The following KMT2E variants were observed in gnomAD, a reference collection of about 807,000 sequenced individuals.
KMT2E encodes histone reader KMT2E.
Under a neutral mutation model 184.6 loss-of-function variants are expected in KMT2E, and 30 were observed. The ratio of observed to expected loss-of-function variants is 0.16; its 90% CI spans 0.12 to 0.22. The LOEUF is 0.22. Among genes scored for constraint, KMT2E ranks in the 10% least tolerant of loss-of-function variants. KMT2E has a pLI of 1.00. For missense variants in KMT2E, 2,023 were observed against 2,237.4 expected, an observed-to-expected ratio of 0.90 and a Z score of 1.93; for synonymous variants, 815 against 776.5, an observed-to-expected ratio of 1.05 and a Z score of -0.82.
chr7:105,021,919 A>G (rs1449945743), intron 1 of KMT2E, among the ~76,000 whole-genome samples: 1 of 152,072 alleles, frequency 6.6e-6, no homozygotes, highest in African/African-American at 2.4e-5. Flanking sequence ...ATTTACTGAA[A>G]ATTTACTTGA....
rs765229399 is a variant in KMT2E at position 105,091,196 on chromosome 7, A to C, written c.1624-20A>C. 4 of 1,103,140 alleles carry C rather than the reference A, an allele frequency of 3.6e-6. No homozygotes were observed. Among genetic ancestry groups the C allele is most frequent in the Non-Finnish European group, 1.4e-6 (1 of 720,926 alleles). The allele number at this position is 1,103,140 out of a possible 1,614,324, so 68.3% of individuals were successfully genotyped here. On this transcript the variant is annotated intron_variant, in intron 14 of 26. Transcript: ENST00000311117. ...AGATGGAATAATAGTTTGTATAAAG[A>C]AGTCATTTCCATTTTTCAGGAACCA... is the stretch of plus-strand genomic sequence containing the variant.
chr7:105,063,000 CTTT>C (rs11336645), intron 4 of KMT2E, among the ~76,000 whole-genome samples: 1 of 140,326 alleles, frequency 7.1e-6, no homozygotes, highest in Admixed American at 7.1e-5. Flanking sequence ...TTTTCTTTTT[CTTT>C]TTTTTTTTTT....
chr7:105,032,084 A>G (rs1311238818), intron 1 of KMT2E, among the ~76,000 whole-genome samples: 1 of 150,982 alleles, frequency 6.6e-6, no homozygotes, highest in East Asian at 1.9e-4. Flanking sequence ...AAAAAAAAAA[A>G]AAAAAAAAAA....
Position 105,102,092 on chromosome 7 carries a change from TACA to T in KMT2E, c.2096_2098del (p.Thr699del). The T allele has an allele frequency of 6.2e-7, 1 of 1,613,652 alleles. No individual in the cohort carries two copies. Among genetic ancestry groups the T allele is most frequent in the African/African-American group, 1.3e-5 (1 of 75,022 alleles). On this transcript the variant is annotated inframe_deletion, in exon 17 of 27. Coordinates refer to ENST00000311117, the MANE Select transcript of KMT2E (RefSeq NM_182931.3). Reference sequence around the variant, plus strand: ...AAAATGATATTGAAAATACTGTACTTACAATAGAACCAGAAACTGAAACTGCAC... The same window carrying T: ...AAAATGATATTGAAAATACTGTACTTATAGAACCAGAAACTGAAACTGCAC...
At chr7:105,091,017 T>G (rs1432596660) in intron 14 of KMT2E, among the ~76,000 whole-genome samples, 199 bp from the exon 15 acceptor site, 5 of 152,180 alleles carry the variant, frequency 3.3e-5, no homozygotes, top group Non-Finnish European at 7.4e-5. Flanking sequence ...TGGCTAAAAT[T>G]TAAAAAGCGA....
chr7:105,042,347 C>T (rs1180474823), intron 3 of KMT2E, among the ~76,000 whole-genome samples: 2 of 147,324 alleles, frequency 1.4e-5, no homozygotes, highest in Non-Finnish European at 3.0e-5. Context: ...CGTACTTAAT[C>T]ATAAACAATT....
intron 11 of KMT2E, among the ~76,000 whole-genome samples, chr7:105,078,533 G>A (rs1404659416): frequency 1.3e-5 from 2 of 151,876 alleles, no homozygotes; most frequent in East Asian, 3.9e-4. Flanking sequence ...TTTTGAGACA[G>A]TCTCGCTCTA....
At chr7:105,083,533 C>G (rs142269605) in intron 13 of KMT2E, among the ~76,000 whole-genome samples, 4 of 152,164 alleles carry the variant, frequency 2.6e-5, no homozygotes, top group African/African-American at 9.7e-5. Context: ...GTTATACAAC[C>G]AAAAGACTGG....
chr7:105,062,794 G>A (rs947885072), intron 4 of KMT2E, among the ~76,000 whole-genome samples: 1 of 151,732 alleles, frequency 6.6e-6, no homozygotes, highest in Non-Finnish European at 1.5e-5. Flanking sequence ...TGCATATCTA[G>A]TAAGAGGCAG....
chr7:105,055,836 C>T (rs1796554137), intron 3 of KMT2E, among the ~76,000 whole-genome samples: 1 of 152,108 alleles, frequency 6.6e-6, no homozygotes, highest in South Asian at 2.1e-4. Flanking sequence ...GGCTCCTGTG[C>T]ATACCTCTGA....
At chr7:105,097,890 C>T (rs990765402) in intron 15 of KMT2E, among the ~76,000 whole-genome samples, 2 of 151,980 alleles carry the variant, frequency 1.3e-5, no homozygotes, top group Admixed American at 6.6e-5. Flanking sequence ...TTTGAGATAT[C>T]GGATGAGCAA....
rs1427490701 is a variant in KMT2E, at chr7:105,091,287, G to A, written c.1695G>A (p.Glu565=). ...ISNEVEMESE[E]QIAERKRKMT... is the part of the protein sequence containing the mutation. ...ATGAAGTAGAAATGGAATCAGAGGA[G>A]CAGATTGCAGAAAGGAAAAGGAAGA... Residue 565 remains glutamate, a synonymous_variant, in exon 15 of 27, where the codon GAG becomes GAA. Transcript: ENST00000311117. 2 of 1,604,688 alleles carry A rather than the reference G, an allele frequency of 1.2e-6. No homozygotes were observed. The highest frequency in any genetic ancestry group is 1.7e-6 in the Non-Finnish European group (2 of 1,171,560).
chr7:105,063,000 CTT>C (rs11336645), intron 4 of KMT2E, among the ~76,000 whole-genome samples: 45 of 140,296 alleles, frequency 3.2e-4, no homozygotes, highest in Middle Eastern at 3.7e-3. Flanking sequence ...TTTTCTTTTT[CTT>C]TTTTTTTTTT....
At position 105,107,402 on chromosome 7, in the gene KMT2E, T is replaced by C. The variant is rs1173369914; in HGVS notation, c.2945T>C (p.Phe982Ser). 1 of 1,605,678 alleles carries C rather than the reference T, an allele frequency of 6.2e-7. No homozygotes were observed. Among genetic ancestry groups the C allele is most frequent in the Non-Finnish European group, 8.5e-7 (1 of 1,176,942 alleles). Residue 982 changes from phenylalanine (F) to serine (S), a missense_variant, in exon 22 of 27, where the codon TTT becomes TCT. Coordinates refer to ENST00000311117, the MANE Select transcript of KMT2E (RefSeq NM_182931.3). ...RSSTMLTLGP[F>S]RNSNLTELGL... Reference sequence around the variant, plus strand: ...TCAACCATGTTAACATTGGGGCCTTTTAGAAATTCTAATTTAACTGAACTG... The same window carrying C: ...TCAACCATGTTAACATTGGGGCCTTCTAGAAATTCTAATTTAACTGAACTG...
chr7:105,045,313 C>A (rs1367338858), intron 3 of KMT2E, among the ~76,000 whole-genome samples: 1 of 152,184 alleles, frequency 6.6e-6, no homozygotes, highest in Non-Finnish European at 1.5e-5. Context: ...AAAATAGATA[C>A]AACATTTATC....
At chr7:105,092,897 TA>T (rs758447938) in intron 15 of KMT2E, among the ~76,000 whole-genome samples, 1 of 151,074 alleles carries the variant, frequency 6.6e-6, no homozygotes, top group Non-Finnish European at 1.5e-5. Context: ...AAAAATGAAA[TA>T]AAAAAAAATC....
chr7:105,097,498 G>T (rs1304403851), intron 15 of KMT2E, among the ~76,000 whole-genome samples: 1 of 152,062 alleles, frequency 6.6e-6, no homozygotes. Flanking sequence ...TGATTCTCCT[G>T]CCTCAGCCTC....
intron 3 of KMT2E, among the ~76,000 whole-genome samples, chr7:105,047,766 A>G (rs1170110307): frequency 6.6e-6 from 1 of 152,146 alleles, no homozygotes; most frequent in African/African-American, 2.4e-5. Context: ...TTCTCACTAA[A>G]CCAGTGCTGT....
chr7:105,109,531 A>C (rs937218843), intron 23 of KMT2E, among the ~76,000 whole-genome samples: 2 of 152,224 alleles, frequency 1.3e-5, no homozygotes, highest in Admixed American at 6.5e-5. Context: ...TTGAAAGAAC[A>C]ACCAGGGTTA....
Sources: gnomAD v4.1 joint callset for allele counts (sites outside exome capture counted in the v4.1 genomes callset) on GRCh38, gnomAD v4.1.1 for gene constraint, MANE v1.5 for transcripts, NCBI Gene and HGNC (gene_info 2026-07-23, HGNC 2026-07-21) for gene names.